Variants in PTPRT observed in about 807,000 individuals in gnomAD.
PTPRT encodes receptor-type tyrosine-protein phosphatase T.
A neutral mutation model predicts 176.8 loss-of-function variants in PTPRT; 56 were observed. The ratio of observed to expected loss-of-function variants is 0.32; its 90% CI spans 0.26 to 0.40. The LOEUF is 0.40. Among genes scored for constraint, PTPRT ranks in the 10% least tolerant of loss-of-function variants. The pLI is 1.00. For synonymous variants in PTPRT, 783 were observed against 739.0 expected, an observed-to-expected ratio of 1.06 and a Z score of -0.96; for missense variants, 1,540 against 1,908.2, an observed-to-expected ratio of 0.81 and a Z score of 3.60.
intron 2 of PTPRT, among the ~76,000 whole-genome samples, chr20:42,805,491 C>T (rs1430093920): frequency 1.3e-5 from 2 of 152,196 alleles, no homozygotes; most frequent in African/African-American, 4.8e-5. Flanking sequence ...GCCTGCTCCA[C>T]ACCAGGCACT....
At chr20:42,841,055 C>A (rs1016018230) in intron 2 of PTPRT, among the ~76,000 whole-genome samples, 8 of 152,166 alleles carry the variant, frequency 5.3e-5, no homozygotes, top group Non-Finnish European at 8.8e-5. Context: ...ATTTCCCAAG[C>A]ACCCTTGCCA....
chr20:42,349,815 G>A (rs1414257154), intron 11 of PTPRT, among the ~76,000 whole-genome samples: 2 of 152,230 alleles, frequency 1.3e-5, no homozygotes, highest in Non-Finnish European at 2.9e-5. Flanking sequence ...CTTGTGCAAA[G>A]TGTATCTTGT....
intron 1 of PTPRT, among the ~76,000 whole-genome samples, chr20:43,040,933 C>T (rs1371190529): frequency 6.6e-6 from 1 of 152,210 alleles, no homozygotes. Flanking sequence ...ATTTAGCATT[C>T]TTTTGCCCAG....
intron 17 of PTPRT, among the ~76,000 whole-genome samples, chr20:42,160,853 C>T (rs1158918328): frequency 6.6e-6 from 1 of 152,112 alleles, no homozygotes; most frequent in Non-Finnish European, 1.5e-5. Context: ...GAAGCATTGC[C>T]TTCGGGGGAT....
intron 1 of PTPRT, among the ~76,000 whole-genome samples, chr20:42,916,919 C>T (rs1468562000): frequency 6.6e-6 from 1 of 152,120 alleles, no homozygotes; most frequent in East Asian, 1.9e-4. Flanking sequence ...GTTGCCTGTT[C>T]ACTCTGATGC....
chr20:42,808,318 T>C (rs573685452), intron 2 of PTPRT, among the ~76,000 whole-genome samples: 5 of 152,224 alleles, frequency 3.3e-5, no homozygotes, highest in African/African-American at 4.8e-5. Context: ...ACAGTGACAA[T>C]GGGTCTGGGG....
intron 4 of PTPRT, 49 bp downstream of exon 4, chr20:42,780,169 C>T (rs755640989): frequency 7.0e-7 from 1 of 1,433,072 alleles, no homozygotes; most frequent in South Asian, 1.1e-5. Flanking sequence ...TCTATGCTAC[C>T]CAGTCTGGCA....
rs116756274 is a variant in PTPRT, at chr20:42,487,716, G to A, written c.1154-15154C>T. Among the ~76,000 whole-genome samples, 1,079 of 152,198 alleles carry A rather than the reference G, an allele frequency of 7.1e-3. 12 individuals carry two copies. Among genetic ancestry groups the A allele is most frequent in the African/African-American group, 0.024 (1,012 of 41,514 alleles). ...AAACAGATTCTCCCCCAGAGTCGACGGAAGGAACACAGCCCTGCAGACCTA... is the reference window on the plus strand; with the variant it reads ...AAACAGATTCTCCCCCAGAGTCGACAGAAGGAACACAGCCCTGCAGACCTA... On this transcript the variant is annotated intron_variant, in intron 7 of 30. Transcript: ENST00000373187.
intron 16 of PTPRT, among the ~76,000 whole-genome samples, chr20:42,166,905 G>C (rs903913303): frequency 6.6e-6 from 1 of 151,146 alleles, no homozygotes; most frequent in African/African-American, 2.4e-5. Flanking sequence ...AGGGGTGACA[G>C]AGCAAGACTC....
chr20:42,250,113 A>G (rs1288153708), intron 13 of PTPRT, among the ~76,000 whole-genome samples: 1 of 152,178 alleles, frequency 6.6e-6, no homozygotes, highest in Non-Finnish European at 1.5e-5. Flanking sequence ...AACACTTTGC[A>G]CATGCCTCAC....
chr20:42,530,155 G>A (rs753359217), intron 7 of PTPRT, among the ~76,000 whole-genome samples: 17 of 152,208 alleles, frequency 1.1e-4, no homozygotes, highest in African/African-American at 2.9e-4. Flanking sequence ...TACATAGGCC[G>A]ATGAGGTAGT....
chr20:42,048,198 T>C, the PTPRT span, among the ~76,000 whole-genome samples: 2 of 152,204 alleles, frequency 1.3e-5, no homozygotes, highest in Admixed American at 6.5e-5. Context: ...ATAAAACTCA[T>C]GCATGATGTT....
chr20:42,085,973 G>T, intron 27 of PTPRT, 120 bp from the exon 28 acceptor site: 1 of 1,209,532 alleles, frequency 8.3e-7, no homozygotes, highest in Non-Finnish European at 1.1e-6. Flanking sequence ...TTGAGATGGA[G>T]CATCACTCTT....
chr20:43,045,092 T>G (rs140354496), intron 1 of PTPRT, among the ~76,000 whole-genome samples: 1 of 152,334 alleles, frequency 6.6e-6, no homozygotes, highest in Non-Finnish European at 1.5e-5. Context: ...GAGCTGTCAA[T>G]CAAGAGATTA....
At chr20:42,061,911 T>G in the PTPRT span, among the ~76,000 whole-genome samples, 4 of 152,244 alleles carry the variant, frequency 2.6e-5, no homozygotes, top group Non-Finnish European at 5.9e-5. Flanking sequence ...TAAAAAATCC[T>G]GAGAGTGACA....
At chr20:42,886,071 A>ATATAT in intron 1 of PTPRT, 139 bp from the exon 2 acceptor site, 20 of 395,432 alleles carry the variant, frequency 5.1e-5, no homozygotes, top group Middle Eastern at 2.1e-3. Context: ...ATATATATAT[A>ATATAT]AAAGATGAGC....
chr20:43,182,004 C>T (rs1320378163), intron 1 of PTPRT, among the ~76,000 whole-genome samples: 1 of 152,316 alleles, frequency 6.6e-6, no homozygotes, highest in East Asian at 1.9e-4. Flanking sequence ...GTCAAGATCA[C>T]CCAAGGCCAC....
At chr20:42,164,933 G>C (rs572228355) in intron 16 of PTPRT, among the ~76,000 whole-genome samples, 1 of 152,188 alleles carries the variant, frequency 6.6e-6, no homozygotes, top group East Asian at 1.9e-4. Context: ...GGTTTGGTAT[G>C]TTTATTTATC....
At chr20:42,162,306 C>G (rs147552351) in intron 16 of PTPRT, among the ~76,000 whole-genome samples, 1 of 152,170 alleles carries the variant, frequency 6.6e-6, no homozygotes, top group Non-Finnish European at 1.5e-5. Context: ...TATGTCTCAT[C>G]GCCTTCATAA....
Sources: gnomAD v4.1 joint callset for allele counts (sites outside exome capture counted in the v4.1 genomes callset) on GRCh38, gnomAD v4.1.1 for gene constraint, MANE v1.5 for transcripts, NCBI Gene and HGNC (gene_info 2026-07-23, HGNC 2026-07-21) for gene names.